The following ZNF678 variants were observed in gnomAD, a reference collection of about 807,000 sequenced individuals.
ZNF678 encodes hypothetical protein MGC42493.
ZNF678 carries 5 observed loss-of-function variants against 3.0 expected under a neutral mutation model. The observed-to-expected ratio is 1.69, with a 90% confidence interval of 0.88 to 3.56. ZNF678 has a LOEUF of 3.56. Among genes scored for constraint, ZNF678 ranks in the 30% most tolerant of loss-of-function variants. The probability of loss-of-function intolerance (pLI) is 0.00; values close to 1 mark genes in which losing one functional copy is unlikely to be tolerated. For missense variants in ZNF678, 593 were observed against 605.0 expected (o/e 0.98, Z 0.21); for synonymous variants, 218 against 199.6 (o/e 1.09, Z -0.78).
intron 1 of ZNF678, among the ~76,000 whole-genome samples, chr1:227,578,159 G>T (rs994620361): frequency 2.0e-5 from 3 of 152,072 alleles, no homozygotes; most frequent in African/African-American, 7.2e-5. Flanking sequence ...CTCTCCAGCT[G>T]TCTTTAACAT....
At chr1:227,618,359 A>C (rs1275772416) in intron 1 of ZNF678, among the ~76,000 whole-genome samples, 1 of 152,202 alleles carries the variant, frequency 6.6e-6, no homozygotes, top group African/African-American at 2.4e-5. Flanking sequence ...GTAGACTGGC[A>C]TAGGTTGTTA....
intron 1 of ZNF678, among the ~76,000 whole-genome samples, chr1:227,597,388 GT>G (rs1188345627): frequency 2.6e-5 from 4 of 152,234 alleles, no homozygotes; most frequent in African/African-American, 9.6e-5. Flanking sequence ...GTTGCAGAGA[GT>G]TTATTTTTGG....
intron 5 of ZNF678, among the ~76,000 whole-genome samples, chr1:227,675,779 A>G (rs946494815): frequency 1.3e-5 from 2 of 152,238 alleles, no homozygotes; most frequent in Admixed American, 1.3e-4. Flanking sequence ...GTGAACAACA[A>G]TCATCTAAAC....
intron 1 of ZNF678, among the ~76,000 whole-genome samples, chr1:227,610,193 C>T (rs913847281): frequency 5.3e-5 from 8 of 152,138 alleles, no homozygotes; most frequent in African/African-American, 1.2e-4. Context: ...GAAAACCTGA[C>T]GTACTACTAA....
chr1:227,634,920 G>A (rs1658635398), intron 1 of ZNF678, among the ~76,000 whole-genome samples: 1 of 152,148 alleles, frequency 6.6e-6, no homozygotes, highest in Admixed American at 6.5e-5. Context: ...GTAAGACTCA[G>A]TGCTTTGCTG....
intron 1 of ZNF678, among the ~76,000 whole-genome samples, chr1:227,588,011 G>A (rs1657307159): frequency 6.6e-6 from 1 of 151,888 alleles, no homozygotes; most frequent in South Asian, 2.1e-4. Context: ...GGTGCCCAGT[G>A]TGTGTTGTTC....
chr1:227,616,384 C>T (rs1408443407), intron 1 of ZNF678, among the ~76,000 whole-genome samples: 1 of 152,228 alleles, frequency 6.6e-6, no homozygotes, highest in Non-Finnish European at 1.5e-5. Context: ...CCATTCCCGA[C>T]ATTCCCTGAT....
chr1:227,565,568 A>G (rs981678702), intron 1 of ZNF678, among the ~76,000 whole-genome samples: 1 of 151,140 alleles, frequency 6.6e-6, no homozygotes, highest in Admixed American at 6.6e-5. Context: ...TTCGCTAGTT[A>G]CCCATGTTTG....
At chr1:227,665,478 A>G (rs1434655392), downstream of ZNF678, among the ~76,000 whole-genome samples, 1 of 152,206 alleles carries the variant, frequency 6.6e-6, no homozygotes, top group African/African-American at 2.4e-5. Flanking sequence ...CAGGCTGGAG[A>G]TCAGCGTCTG....
chr1:227,611,071 G>T (rs1024611372), intron 1 of ZNF678, among the ~76,000 whole-genome samples: 2 of 152,184 alleles, frequency 1.3e-5, no homozygotes, highest in African/African-American at 4.8e-5. Context: ...GTCTCAATTT[G>T]TAGAGAAATT....
Position 227,655,671 on chromosome 1 carries a change from C to T in ZNF678, c.1421C>T (p.Ser474Leu). 2 of 1,612,760 alleles carry T rather than the reference C, an allele frequency of 1.2e-6. No homozygotes were observed. The highest frequency in any genetic ancestry group is 1.7e-6 in the Non-Finnish European group (2 of 1,179,218). Residue 474 changes from serine (S) to leucine (L), a missense_variant, in exon 4 of 4, where the codon TCA (serine) becomes TTA (leucine). Physicochemically the swap from Ser to Leu is moderately radical, Grantham distance 145. Coordinates refer to ENST00000343776, the MANE Select transcript of ZNF678 (RefSeq NM_001367909.1). ...TGTGGCAAAGCCTTTAACCAGTTCT[C>T]AAGCCTTACTCGTCATAAAAGAATT... Reference protein sequence around the residue: ...EECGKAFNQFSSLTRHKRIHT... With the variant: ...EECGKAFNQFLSLTRHKRIHT...
chr1:227,595,978 G>T (rs1243002355), intron 1 of ZNF678, among the ~76,000 whole-genome samples: 3 of 152,184 alleles, frequency 2.0e-5, no homozygotes, highest in Non-Finnish European at 4.4e-5. Context: ...CAAATGGAGT[G>T]GGCAAGTTCT....
At position 227,660,120 on chromosome 1, in the gene ZNF678, G is replaced by C. The variant is rs935059016; in HGVS notation, c.*4292G>C. On this transcript the variant is annotated 3_prime_UTR_variant, in exon 4 of 4. Coordinates refer to ENST00000343776, the MANE Select transcript of ZNF678 (RefSeq NM_001367909.1). ...TGAGGTATTCATCTTTCTGTGTTCT[G>C]CTCCATTGGTCTATTTATCTGTTTT... is the stretch of plus-strand genomic sequence containing the variant. The C allele has an allele frequency of 1.1e-4, 16 of 152,130 alleles. No homozygotes were observed. The highest frequency in any genetic ancestry group is 3.9e-4 in the African/African-American group (16 of 41,510). The allele number at this position is 152,130 out of a possible 1,614,324, so 9.4% of individuals were successfully genotyped here.
At chr1:227,614,959 G>A (rs1463962917) in intron 1 of ZNF678, among the ~76,000 whole-genome samples, 2 of 152,130 alleles carry the variant, frequency 1.3e-5, no homozygotes, top group Non-Finnish European at 2.9e-5. Context: ...GCGTTTAATT[G>A]AACAAAGACT....
downstream of ZNF678, among the ~76,000 whole-genome samples, chr1:227,667,340 A>G (rs1228015898): frequency 6.6e-6 from 1 of 152,190 alleles, no homozygotes; most frequent in African/African-American, 2.4e-5. Context: ...CCCACTGAGA[A>G]CAGAAAAAGA....
At chr1:227,599,356 GAGA>G (rs1657675925) in intron 1 of ZNF678, among the ~76,000 whole-genome samples, 2 of 152,196 alleles carry the variant, frequency 1.3e-5, no homozygotes, top group Admixed American at 1.3e-4. Flanking sequence ...CCAGGCCAGA[GAGA>G]AGGCCGAAGC....
At chr1:227,663,593 G>T (rs142753474), downstream of ZNF678, among the ~76,000 whole-genome samples, 2 of 152,204 alleles carry the variant, frequency 1.3e-5, no homozygotes, top group South Asian at 2.1e-4. Context: ...TGCTATAAGA[G>T]ATACCTGGGT....
At chr1:227,587,833 T>TC (rs1315402720) in intron 1 of ZNF678, among the ~76,000 whole-genome samples, 234 of 147,010 alleles carry the variant, frequency 1.6e-3, no homozygotes, top group African/African-American at 5.6e-3. Flanking sequence ...TTTTTTTTTT[T>TC]CAAGACTTTA....
At position 227,563,610 on chromosome 1, in the gene ZNF678, C is replaced by A; in HGVS notation, c.-278C>A. 8.8e-7 allele frequency: 1 copy of A among 1,140,220 alleles called. No individual in the cohort carries two copies. The highest frequency in any genetic ancestry group is 1.2e-6 in the Non-Finnish European group (1 of 838,106). 70.6% of individuals were successfully genotyped at this position (1,140,220 alleles called of 1,614,324 possible). ...GTCCCGTATTCTCGGCTATTTATCC[C>A]CAGCTGCGGGAGGCCCTGGTGACTC... On this transcript the variant is annotated 5_prime_UTR_variant, in exon 1 of 4. Transcript: ENST00000343776.
Sources: gnomAD v4.1 joint callset for allele counts (sites outside exome capture counted in the v4.1 genomes callset) on GRCh38, gnomAD v4.1.1 for gene constraint, MANE v1.5 for transcripts, NCBI Gene and HGNC (gene_info 2026-07-23, HGNC 2026-07-21) for gene names.